The following TMEM163 variants were observed in gnomAD, a reference collection of about 807,000 sequenced individuals.
TMEM163 encodes transmembrane protein 163.
A neutral mutation model predicts 29.3 loss-of-function variants in TMEM163; 17 were observed. The ratio of observed to expected loss-of-function variants is 0.58; its 90% confidence interval spans 0.40 to 0.87. TMEM163 has a LOEUF of 0.87. Ranked by LOEUF, TMEM163 falls within the 40% of genes least tolerant of loss-of-function variation. The pLI is 0.00. For synonymous variants in TMEM163, 157 were observed against 160.6 expected (o/e 0.98, Z 0.17); for missense variants, 303 against 381.5 (o/e 0.79, Z 1.71).
intron 2 of TMEM163, among the ~76,000 whole-genome samples, chr2:134,649,495 T>C (rs1023251501): frequency 6.6e-6 from 1 of 152,230 alleles, no homozygotes; most frequent in African/African-American, 2.4e-5. Flanking sequence ...TTTAAGAGCA[T>C]AACAATCTGG....
intron 2 of TMEM163, among the ~76,000 whole-genome samples, chr2:134,644,127 T>C (rs1169332153): frequency 6.6e-6 from 1 of 151,992 alleles, no homozygotes; most frequent in Non-Finnish European, 1.5e-5. Context: ...TCTAAATAAA[T>C]GGAGAGACAT....
At chr2:134,646,408 T>C (rs755315566) in intron 2 of TMEM163, among the ~76,000 whole-genome samples, 1 of 151,238 alleles carries the variant, frequency 6.6e-6, no homozygotes, top group Non-Finnish European at 1.5e-5. Flanking sequence ...TAGTTGTTGG[T>C]TTGCTTCTTT....
At chr2:134,689,517 T>C (rs1684417117) in intron 2 of TMEM163, among the ~76,000 whole-genome samples, 1 of 152,236 alleles carries the variant, frequency 6.6e-6, no homozygotes, top group South Asian at 2.1e-4. Context: ...TGACTAGCAC[T>C]GTGACATCCT....
At chr2:134,702,341 A>G (rs898222562) in intron 2 of TMEM163, among the ~76,000 whole-genome samples, 5 of 152,178 alleles carry the variant, frequency 3.3e-5, no homozygotes, top group Non-Finnish European at 7.3e-5. Flanking sequence ...CAGAAAGATA[A>G]CCGCTATTAA....
intron 2 of TMEM163, among the ~76,000 whole-genome samples, chr2:134,592,301 T>A (rs920999909): frequency 6.6e-6 from 1 of 152,186 alleles, no homozygotes; most frequent in African/African-American, 2.4e-5. Context: ...TTTTAGTGAA[T>A]CTCTCCTAGA....
At chr2:134,534,859 C>T (rs1473434868) in intron 4 of TMEM163, among the ~76,000 whole-genome samples, 1 of 152,196 alleles carries the variant, frequency 6.6e-6, no homozygotes, top group East Asian at 1.9e-4. Context: ...TCAACCCAAA[C>T]AGCCAAGTGA....
intron 2 of TMEM163, among the ~76,000 whole-genome samples, chr2:134,561,234 C>G (rs546112793): frequency 1.3e-5 from 2 of 152,226 alleles, no homozygotes; most frequent in Admixed American, 1.3e-4. Context: ...GACGGAGTCT[C>G]GCTCTGTCGC....
intron 4 of TMEM163, among the ~76,000 whole-genome samples, chr2:134,506,964 A>AG (rs1360772927): frequency 1.3e-5 from 2 of 152,164 alleles, no homozygotes; most frequent in African/African-American, 4.8e-5. Context: ...ACTCTGGGGG[A>AG]GAACTTCATG....
intron 4 of TMEM163, among the ~76,000 whole-genome samples, chr2:134,505,474 G>A (rs1234872249): frequency 6.6e-6 from 1 of 152,016 alleles, no homozygotes. Context: ...AGATAGAAGC[G>A]ACATCCAAGC....
intron 2 of TMEM163, among the ~76,000 whole-genome samples, chr2:134,555,668 C>T (rs1044596550): frequency 2.6e-5 from 4 of 152,214 alleles, no homozygotes; most frequent in African/African-American, 9.6e-5. Context: ...AGCAGTTACA[C>T]ATCCAAAAAA....
intron 5 of TMEM163, among the ~76,000 whole-genome samples, chr2:134,480,538 A>C (rs1687028154): frequency 6.6e-6 from 1 of 152,242 alleles, no homozygotes; most frequent in Non-Finnish European, 1.5e-5. Context: ...ACAGGCTATC[A>C]TACTCAAGAG....
In TMEM163 at chr2:134,466,229, C is replaced by A. The variant is rs750955242; in HGVS notation, c.556-4G>T. The A allele has an allele frequency of 7.4e-6, 12 of 1,611,304 alleles. No individual in the cohort carries two copies. The African/African-American group carries it at 1.2e-4, about 16-fold the overall frequency. On this transcript the variant is annotated splice_region_variant and splice_polypyrimidine_tract_variant and intron_variant, in intron 5 of 7. Coordinates refer to ENST00000281924, the MANE Select transcript of TMEM163 (RefSeq NM_030923.5). ...AGACACTGAACAGGAAATCGTCCTGCAAGAGAAAGTTCCAGATTTCAACAG... is the reference window on the plus strand; with the variant it reads ...AGACACTGAACAGGAAATCGTCCTGAAAGAGAAAGTTCCAGATTTCAACAG...
chr2:134,658,655 T>G (rs1215895777), intron 2 of TMEM163, among the ~76,000 whole-genome samples: 1 of 152,132 alleles, frequency 6.6e-6, no homozygotes, highest in Non-Finnish European at 1.5e-5. Context: ...TGGAGTGCAT[T>G]GGTACAATCT....
At chr2:134,715,632 TAAAG>T (rs1296415994) in intron 1 of TMEM163, among the ~76,000 whole-genome samples, 2 of 152,222 alleles carry the variant, frequency 1.3e-5, no homozygotes, top group Admixed American at 6.5e-5. Context: ...TGATGATGTA[TAAAG>T]ACTCAGTTCC....
chr2:134,701,342 G>C (rs117902310), intron 2 of TMEM163, among the ~76,000 whole-genome samples: 1 of 152,090 alleles, frequency 6.6e-6, no homozygotes, highest in African/African-American at 2.4e-5. Context: ...AAGCAAAAAG[G>C]CAACCCAATT....
chr2:134,606,848 G>A (rs1044393424), intron 2 of TMEM163, among the ~76,000 whole-genome samples: 1 of 152,272 alleles, frequency 6.6e-6, no homozygotes, highest in Non-Finnish European at 1.5e-5. Context: ...CTTTCGTTTG[G>A]CGAAAAGCAG....
intron 2 of TMEM163, among the ~76,000 whole-genome samples, chr2:134,579,019 G>A (rs1681629298): frequency 6.6e-6 from 1 of 152,160 alleles, no homozygotes; most frequent in Admixed American, 6.5e-5. Context: ...CTGCAGGAGA[G>A]AAACTTCAAA....
At chr2:134,718,053 A>T (rs1685072674) in intron 1 of TMEM163, among the ~76,000 whole-genome samples, 2 of 152,210 alleles carry the variant, frequency 1.3e-5, no homozygotes, top group African/African-American at 4.8e-5. Context: ...CGGAAACATC[A>T]GGTTTCAGTG....
intron 6 of TMEM163, among the ~76,000 whole-genome samples, chr2:134,464,332 G>A (rs1400566918): frequency 6.6e-6 from 1 of 152,128 alleles, no homozygotes; most frequent in Non-Finnish European, 1.5e-5. Context: ...AGTCTTGGGG[G>A]GCTGGCATAA....
Sources: allele counts gnomAD v4.1 joint callset (sites outside exome capture counted in the v4.1 genomes callset), GRCh38; gene constraint gnomAD v4.1.1; transcripts MANE v1.5; gene names NCBI Gene and HGNC (gene_info 2026-07-23, HGNC 2026-07-21).